The following ADAM29 variants were observed in gnomAD, a reference collection of about 807,000 sequenced individuals.
ADAM29 encodes the protein ADAM metallopeptidase domain 29.
For synonymous variants in ADAM29, 367 were observed against 342.3 expected (o/e 1.07, Z -0.80); for missense variants, 969 against 1,001.8 (o/e 0.97, Z 0.44).
chr4:174,933,833 T>C (rs1744048742), intron 3 of ADAM29, among the ~76,000 whole-genome samples: 2 of 152,210 alleles, frequency 1.3e-5, no homozygotes, highest in Non-Finnish European at 2.9e-5. Context: ...CTGCACAGTA[T>C]TCCATGGTGC....
Position 174,977,687 on chromosome 4 carries a change from T to A in ADAM29, c.2162T>A (p.Ile721Asn), listed in dbSNP as rs774404395. 2.2e-5 allele frequency: 36 copies of A among 1,613,978 alleles called. No individual in the cohort carries two copies. Among genetic ancestry groups the A allele is most frequent in the Admixed American group, 5.0e-5 (3 of 60,002 alleles). ...QTPSAKEEEKIQRRPHELPPQ... is the reference protein window; with the variant it reads ...QTPSAKEEEKNQRRPHELPPQ... The stretch of plus-strand genomic sequence containing the variant: ...CCATCTGCAAAAGAAGAGGAAAAAA[T>A]TCAGCGTCGACCTCATGAGTTACCT... Residue 721 changes from isoleucine (I) to asparagine (N), a missense_variant, in exon 5 of 5, where the codon ATT (isoleucine) becomes AAT (asparagine). Coordinates refer to ENST00000359240, the MANE Select transcript of ADAM29 (RefSeq NM_014269.4).
chr4:174,975,418 C>A lies in ADAM29; in HGVS notation c.-108C>A. 2.6e-6 allele frequency: 3 copies of A among 1,162,024 alleles called. No homozygotes were observed. Among genetic ancestry groups the A allele is most frequent in the African/African-American group, 1.5e-5 (1 of 65,314 alleles). The allele number at this position is 1,162,024 out of a possible 1,614,324, so 72.0% of individuals were successfully genotyped here. A position where few individuals can be genotyped will look rare whatever the true frequency, so the allele number is the denominator to read the frequency against. On this transcript the variant is annotated 5_prime_UTR_variant, in exon 5 of 5. Transcript: ENST00000359240. ...GATTAGCACTACACACTGACCAACT[C>A]AGAAGAAGGAGCCACACCACCTGTG... is the stretch of plus-strand genomic sequence containing the variant.
chr4:174,938,979 C>A, intron 4 of ADAM29, among the ~76,000 whole-genome samples: 1 of 152,066 alleles, frequency 6.6e-6, no homozygotes, highest in East Asian at 1.9e-4. Context: ...CTCCACGTGG[C>A]CTTCTCTATT....
intron 4 of ADAM29, among the ~76,000 whole-genome samples, chr4:174,973,004 A>G (rs1746554972): frequency 6.6e-6 from 1 of 152,208 alleles, no homozygotes; most frequent in Non-Finnish European, 1.5e-5. Flanking sequence ...GATAGATGCT[A>G]GATCTTCAGG....
chr4:174,920,268 A>T (rs1743093918), intron 1 of ADAM29, among the ~76,000 whole-genome samples: 1 of 152,156 alleles, frequency 6.6e-6, no homozygotes, highest in Non-Finnish European at 1.5e-5. Flanking sequence ...TTTACTTTCT[A>T]CCTTAAACTT....
chr4:174,921,350 A>G (rs1368157631), intron 2 of ADAM29, among the ~76,000 whole-genome samples: 1 of 152,222 alleles, frequency 6.6e-6, no homozygotes, highest in African/African-American at 2.4e-5. Context: ...TTACGCACAC[A>G]TGTAGGACAA....
chr4:174,945,652 C>T (rs574196572), intron 4 of ADAM29, among the ~76,000 whole-genome samples: 260 of 152,160 alleles, frequency 1.7e-3, no homozygotes, highest in African/African-American at 5.9e-3. Flanking sequence ...ATTAGTTTAT[C>T]TCGAGTTGAT....
rs1448811660 is a variant in ADAM29, at chr4:174,976,598, A to T, written c.1073A>T (p.Glu358Val). 1.9e-6 allele frequency: 3 copies of T among 1,606,148 alleles called. No homozygotes were observed. The African/African-American group carries it at 4.0e-5, about 21-fold the overall frequency. Residue 358 changes from glutamate (E) to valine (V), a missense_variant, in exon 5 of 5, where the codon GAA becomes GTA. Physicochemically the swap from Glu to Val is moderately radical, Grantham distance 121. Coordinates refer to ENST00000359240, the MANE Select transcript of ADAM29 (RefSeq NM_014269.4). ...RCSQPRCIMH[E>V]GNPPITKFSN... ...TCACAACCTAGATGCATAATGCATG[A>T]AGGCAACCCACCAATAACTAAATTT... is the stretch of plus-strand genomic sequence containing the variant.
intron 4 of ADAM29, among the ~76,000 whole-genome samples, chr4:174,947,974 T>C (rs1284679887): frequency 1.3e-5 from 2 of 152,240 alleles, no homozygotes; most frequent in African/African-American, 2.4e-5. Flanking sequence ...TTAATACATA[T>C]GACCATATTA....
chr4:174,937,618 C>T (rs1049471769), intron 4 of ADAM29, among the ~76,000 whole-genome samples: 2 of 151,968 alleles, frequency 1.3e-5, no homozygotes, highest in Admixed American at 6.6e-5. Context: ...ATTTCCTTTC[C>T]TCTGAATGTC....
At chr4:174,936,384 A>T (rs1222352182) in intron 3 of ADAM29, among the ~76,000 whole-genome samples, 1 of 151,964 alleles carries the variant, frequency 6.6e-6, no homozygotes, top group African/African-American at 2.4e-5. Flanking sequence ...AACGAAAATA[A>T]ATTTGTTACT....
chr4:174,977,292 G>A lies in ADAM29; in HGVS notation c.1767G>A (p.Gly589=), dbSNP rs1361233608. 1.9e-6 allele frequency: 3 copies of A among 1,613,856 alleles called. No individual in the cohort carries two copies. Among genetic ancestry groups the A allele is most frequent in the Admixed American group, 3.3e-5 (2 of 60,012 alleles). ...IMCWSTDYHL[G]MKGPDIGEVK... is the part of the protein sequence containing the mutation. ...GCTGGAGTACTGATTACCATTTGGG[G>A]ATGAAGGGACCTGATATTGGTGAAG... is the stretch of plus-strand genomic sequence containing the variant. Residue 589 remains glycine (G), a synonymous_variant, in exon 5 of 5, where the codon GGG becomes GGA. Coordinates refer to ENST00000359240, the MANE Select transcript of ADAM29 (RefSeq NM_014269.4).
At chr4:174,962,317 C>T (rs1285504482) in intron 4 of ADAM29, among the ~76,000 whole-genome samples, 1 of 152,010 alleles carries the variant, frequency 6.6e-6, no homozygotes, top group East Asian at 1.9e-4. Context: ...CAAGACCATC[C>T]TGGCTAACAC....
chr4:174,967,447 C>T (rs1746217965), intron 4 of ADAM29, among the ~76,000 whole-genome samples: 1 of 152,042 alleles, frequency 6.6e-6, no homozygotes, highest in South Asian at 2.1e-4. Flanking sequence ...TGCTATTTTC[C>T]AAAATTTGTT....
intron 2 of ADAM29, among the ~76,000 whole-genome samples, chr4:174,928,416 G>A (rs1743643213): frequency 6.6e-6 from 1 of 151,900 alleles, no homozygotes; most frequent in Admixed American, 6.6e-5. Context: ...AGTTACTGGA[G>A]GGGTCAGTGA....
intron 4 of ADAM29, among the ~76,000 whole-genome samples, chr4:174,944,520 A>AT (rs908291103): frequency 1.5e-4 from 23 of 150,902 alleles, no homozygotes; most frequent in African/African-American, 2.4e-4. Context: ...CCTTATTTGT[A>AT]TTTTTTTTTA....
rs554020026 is a variant in ADAM29 at position 174,921,832 on chromosome 4, G to A, written c.-451+1040G>A. Among the ~76,000 whole-genome samples the A allele has an allele frequency of 9.0e-4, 137 of 152,078 alleles. 3 individuals carry two copies. In the South Asian group the frequency reaches 0.027, roughly 30 times the overall value. ...CACATGTATACACACATACATGTGTGGTTAAATTTCAAAATTTCTTCCAAG... is the reference window on the plus strand; with the variant it reads ...CACATGTATACACACATACATGTGTAGTTAAATTTCAAAATTTCTTCCAAG... On this transcript the variant is annotated intron_variant, in intron 2 of 4. Transcript: ENST00000359240.
intron 4 of ADAM29, among the ~76,000 whole-genome samples, chr4:174,969,229 G>A (rs1746333303): frequency 6.6e-6 from 1 of 151,118 alleles, no homozygotes; most frequent in South Asian, 2.1e-4. Flanking sequence ...TGAAGACAGT[G>A]TGGCAATTCA....
intron 4 of ADAM29, among the ~76,000 whole-genome samples, chr4:174,941,553 G>A (rs1744536009): frequency 1.3e-5 from 2 of 152,248 alleles, no homozygotes; most frequent in East Asian, 3.9e-4. Context: ...AGCAGGGACA[G>A]TGCCACACTT....
Sources: gnomAD v4.1 joint callset for allele counts (sites outside exome capture counted in the v4.1 genomes callset) on GRCh38, gnomAD v4.1.1 for gene constraint, MANE v1.5 for transcripts, NCBI Gene and HGNC (gene_info 2026-07-23, HGNC 2026-07-21) for gene names.